The following ATRNL1 variants were observed in gnomAD, a reference collection of about 807,000 sequenced individuals.
ATRNL1 encodes the protein attractin-like protein 1.
Under a neutral mutation model 182.7 loss-of-function variants are expected in ATRNL1, and 95 were observed. That is an observed-to-expected ratio of 0.52 (90% CI 0.44 to 0.62). The LOEUF is 0.62. Among genes scored for constraint, ATRNL1 ranks in the 20% least tolerant of loss-of-function variants. The pLI is 0.00. For synonymous variants in ATRNL1, 576 were observed against 568.3 expected, an observed-to-expected ratio of 1.01 and a Z score of -0.19; for missense variants, 1,471 against 1,679.5, an observed-to-expected ratio of 0.88 and a Z score of 2.17.
intron 19 of ATRNL1, among the ~76,000 whole-genome samples, chr10:115,337,917 A>G (rs1197381483): frequency 6.6e-6 from 1 of 151,772 alleles, no homozygotes; most frequent in Admixed American, 6.5e-5. Flanking sequence ...ATCATCAGGC[A>G]TTAGTTAGAT....
At chr10:115,252,203 C>G (rs1850911513) in intron 10 of ATRNL1, among the ~76,000 whole-genome samples, 1 of 151,936 alleles carries the variant, frequency 6.6e-6, no homozygotes, top group Admixed American at 6.6e-5. Flanking sequence ...ATTTTTTGTA[C>G]TTTTAGTAGA....
chr10:115,617,965 T>C (rs190213760), intron 26 of ATRNL1, among the ~76,000 whole-genome samples: 92 of 152,266 alleles, frequency 6.0e-4, no homozygotes, highest in African/African-American at 2.2e-3. Flanking sequence ...GCTCCCATTC[T>C]TGTGATAGTG....
chr10:115,479,214 G>GT (rs1485065641), intron 24 of ATRNL1, among the ~76,000 whole-genome samples: 2 of 151,470 alleles, frequency 1.3e-5, no homozygotes, highest in Non-Finnish European at 3.0e-5. Context: ...CTAATTAGAA[G>GT]TTTTTTCTTT....
At chr10:115,941,215 CAAA>C (rs1208734345) in intron 28 of ATRNL1, among the ~76,000 whole-genome samples, 7 of 152,064 alleles carry the variant, frequency 4.6e-5, no homozygotes, top group African/African-American at 1.7e-4. Flanking sequence ...TAAGAAATGA[CAAA>C]AAGCTGTCAA....
At chr10:115,194,477 A>G (rs1401636535) in intron 8 of ATRNL1, among the ~76,000 whole-genome samples, 1 of 150,040 alleles carries the variant, frequency 6.7e-6, no homozygotes, top group Non-Finnish European at 1.5e-5. Context: ...TTCTCTTGAA[A>G]CCTATTTATG....
At chr10:115,315,775 T>C (rs561566575) in intron 18 of ATRNL1, 39 bp downstream of exon 18, 2 of 1,530,786 alleles carry the variant, frequency 1.3e-6, no homozygotes, top group South Asian at 2.3e-5. Flanking sequence ...AGTTTCTGCT[T>C]AAGGGATCCA....
At chr10:115,861,540 T>G (rs1387809345) in intron 28 of ATRNL1, among the ~76,000 whole-genome samples, 1 of 152,146 alleles carries the variant, frequency 6.6e-6, no homozygotes, top group Non-Finnish European at 1.5e-5. Flanking sequence ...TAAACCACCC[T>G]AATCTCTGGC....
intron 26 of ATRNL1, among the ~76,000 whole-genome samples, chr10:115,648,151 C>T (rs1373047650): frequency 6.6e-6 from 1 of 152,052 alleles, no homozygotes; most frequent in African/African-American, 2.4e-5. Flanking sequence ...ACAAGCATTC[C>T]TATACACCAG....
intron 24 of ATRNL1, among the ~76,000 whole-genome samples, chr10:115,479,610 G>A (rs1237174677): frequency 4.0e-5 from 6 of 151,352 alleles, no homozygotes; most frequent in Non-Finnish European, 7.4e-5. Flanking sequence ...GAGACATATA[G>A]CAGTGTTATG....
intron 28 of ATRNL1, among the ~76,000 whole-genome samples, chr10:115,939,085 T>G (rs960100572): frequency 2.0e-5 from 3 of 152,252 alleles, no homozygotes; most frequent in African/African-American, 7.2e-5. Context: ...CTTTCCACAA[T>G]GTATACATAG....
At chr10:115,766,156 T>A (rs1948854734) in intron 27 of ATRNL1, among the ~76,000 whole-genome samples, 1 of 152,210 alleles carries the variant, frequency 6.6e-6, no homozygotes, top group African/African-American at 2.4e-5. Context: ...TAATGAATAT[T>A]TGTTGATTGA....
chr10:115,549,655 A>G, intron 26 of ATRNL1, 119 bp downstream of exon 26: 1 of 572,398 alleles, frequency 1.7e-6, no homozygotes, highest in Non-Finnish European at 2.7e-6. Flanking sequence ...TTTACATACT[A>G]ATATTCAAAA....
intron 21 of ATRNL1, among the ~76,000 whole-genome samples, chr10:115,450,185 G>T (rs1458563388): frequency 6.6e-6 from 1 of 152,142 alleles, no homozygotes; most frequent in African/African-American, 2.4e-5. Flanking sequence ...ATACTGAACA[G>T]ACAATACCTG....
In ATRNL1 at chr10:115,636,068, A is replaced by G. The variant is rs180915715; in HGVS notation, c.3795+86532A>G. The stretch of plus-strand genomic sequence containing the variant: ...AATATAGGATTTCTTATTCTAGATC[A>G]TAGTTACACAGATATGTTCAATTTT... On this transcript the variant is annotated intron_variant, in intron 26 of 28. Transcript: ENST00000355044. Among the ~76,000 whole-genome samples the G allele has an allele frequency of 6.7e-3, 1,028 of 152,326 alleles. 4 individuals carry two copies. Among genetic ancestry groups the G allele is most frequent in the Non-Finnish European group, 0.01 (714 of 68,030 alleles).
chr10:115,387,975 G>T (rs782132666), intron 19 of ATRNL1, among the ~76,000 whole-genome samples: 7 of 152,018 alleles, frequency 4.6e-5, no homozygotes, highest in African/African-American at 1.2e-4. Context: ...TAGTTTTATT[G>T]TGTGATTAAG....
At chr10:115,199,850 T>G (rs1554891908) in intron 8 of ATRNL1, among the ~76,000 whole-genome samples, 2 of 152,186 alleles carry the variant, frequency 1.3e-5, no homozygotes, top group African/African-American at 4.8e-5. Flanking sequence ...GTTTGAATGC[T>G]TCTATTCAGA....
In ATRNL1 at chr10:115,093,818, G is replaced by T; in HGVS notation, c.68G>T (p.Arg23Leu). The T allele has an allele frequency of 6.7e-7, 1 of 1,497,590 alleles. No homozygotes were observed. Among genetic ancestry groups the T allele is most frequent in the Non-Finnish European group, 8.9e-7 (1 of 1,125,290 alleles). 92.8% of individuals were successfully genotyped at this position (1,497,590 alleles called of 1,614,324 possible). Residue 23 changes from arginine (R) to leucine (L), a missense_variant, in exon 1 of 29, where the codon CGG becomes CTG. Arg to Leu is a moderately radical substitution (Grantham distance 102, BLOSUM62 -2). This residue lies in a region of ATRNL1 where 1,031 missense variants were observed against 1,156.0 expected (regional missense o/e 0.89). Transcript: ENST00000355044. This position sits in a 1 kb window ranked among gnomAD's most constrained non-coding sequence, Gnocchi z 6.1. ...QPAAPGVWRARPAGGGGGGAS... is the reference protein window; with the variant it reads ...QPAAPGVWRALPAGGGGGGAS... ...GCGGCCCCGGGGGTGTGGAGGGCTC[G>T]GCCGGCGGGCGGCGGCGGCGGGGGC...
intron 27 of ATRNL1, among the ~76,000 whole-genome samples, chr10:115,845,632 C>T (rs1273304464): frequency 6.6e-6 from 1 of 151,866 alleles, no homozygotes; most frequent in Non-Finnish European, 1.5e-5. Context: ...ATCTCCTAAA[C>T]CAAGACCCAC....
At chr10:115,869,406 T>A (rs1287852561) in intron 28 of ATRNL1, among the ~76,000 whole-genome samples, 1 of 152,150 alleles carries the variant, frequency 6.6e-6, no homozygotes, top group Non-Finnish European at 1.5e-5. Flanking sequence ...AGAGCTAGGC[T>A]CCTTGGGCAG....
Sources: gnomAD v4.1 joint callset for allele counts (sites outside exome capture counted in the v4.1 genomes callset) on GRCh38, gnomAD v4.1.1 for gene constraint, gnomAD v4.1.1 regional missense constraint, Gnocchi (gnomAD v3.1) non-coding constraint, MANE v1.5 for transcripts, NCBI Gene and HGNC (gene_info 2026-07-23, HGNC 2026-07-21) for gene names.